The following PRKN variants were observed in gnomAD, a reference collection of about 807,000 sequenced individuals.
The protein encoded by PRKN is parkin RBR E3 ubiquitin protein ligase.
PRKN carries 56 observed loss-of-function variants against 59.5 expected under a neutral mutation model. The ratio of observed to expected loss-of-function variants is 0.94; its 90% confidence interval spans 0.76 to 1.18. The LOEUF is 1.18. Ranked by LOEUF, PRKN falls within the 50% of genes most tolerant of loss-of-function variation. The pLI is 0.00. For synonymous variants in PRKN, 250 were observed against 222.1 expected (o/e 1.13, Z -1.12); for missense variants, 657 against 596.4 (o/e 1.10, Z -1.06).
At chr6:162,314,974 G>T (rs1250888092) in intron 2 of PRKN, among the ~76,000 whole-genome samples, 1 of 152,156 alleles carries the variant, frequency 6.6e-6, no homozygotes, top group African/African-American at 2.4e-5. Context: ...TGTCTTCACA[G>T]TAGATCACCA....
At chr6:162,191,448 T>A (rs2128326888) in intron 4 of PRKN, among the ~76,000 whole-genome samples, 1 of 152,270 alleles carries the variant, frequency 6.6e-6, no homozygotes, top group Non-Finnish European at 1.5e-5. Flanking sequence ...TTTTTATGTA[T>A]TTATTTATTT....
intron 6 of PRKN, among the ~76,000 whole-genome samples, chr6:161,788,899 A>G (rs1395482816): frequency 2.0e-5 from 3 of 152,246 alleles, no homozygotes; most frequent in African/African-American, 4.8e-5. Flanking sequence ...ATACAGATAT[A>G]GATAAATGAT....
chr6:161,962,045 A>T (rs1378141311), intron 6 of PRKN, among the ~76,000 whole-genome samples: 1 of 152,190 alleles, frequency 6.6e-6, no homozygotes, highest in Non-Finnish European at 1.5e-5. Flanking sequence ...CAGAATGAAC[A>T]CACCACGGCC....
intron 1 of PRKN, among the ~76,000 whole-genome samples, chr6:162,645,328 T>TC (rs1778125110): frequency 1.3e-5 from 2 of 152,056 alleles, no homozygotes; most frequent in Admixed American, 6.5e-5. Flanking sequence ...AAACTAAAAA[T>TC]CCAAGGGATG....
At chr6:162,371,340 T>C (rs889668826) in intron 2 of PRKN, among the ~76,000 whole-genome samples, 1 of 152,144 alleles carries the variant, frequency 6.6e-6, no homozygotes, top group Admixed American at 6.5e-5. Flanking sequence ...TTGCTAATCA[T>C]CAGAGTCTCT....
At chr6:162,470,456 T>C (rs2128177945) in intron 1 of PRKN, among the ~76,000 whole-genome samples, 1 of 152,060 alleles carries the variant, frequency 6.6e-6, no homozygotes, top group East Asian at 2.0e-4. Context: ...GTACAACAAT[T>C]AGCCAGGCGT....
intron 5 of PRKN, among the ~76,000 whole-genome samples, chr6:162,031,855 G>C (rs893180013): frequency 5.3e-5 from 8 of 152,126 alleles, no homozygotes; most frequent in Non-Finnish European, 8.8e-5. Flanking sequence ...GTGGATCGTT[G>C]CATGTCCTGA....
intron 7 of PRKN, among the ~76,000 whole-genome samples, chr6:161,667,125 T>C (rs974962789): frequency 6.6e-6 from 1 of 152,308 alleles, no homozygotes; most frequent in Middle Eastern, 3.4e-3. Flanking sequence ...CCCCCTGAGC[T>C]TTGTGCTTCA....
At chr6:161,655,125 C>T (rs903721490) in intron 7 of PRKN, among the ~76,000 whole-genome samples, 1 of 142,388 alleles carries the variant, frequency 7.0e-6, no homozygotes, top group African/African-American at 3.0e-5. Flanking sequence ...CCTGGCCCCT[C>T]ATCACCAGCA....
intron 7 of PRKN, among the ~76,000 whole-genome samples, chr6:161,643,844 T>C (rs1001808339): frequency 6.6e-6 from 1 of 152,220 alleles, no homozygotes; most frequent in African/African-American, 2.4e-5. Context: ...CAATGACATT[T>C]ACAAAATTAC....
chr6:162,449,872 C>CAA lies in PRKN; in HGVS notation c.8-6401_8-6400dup, dbSNP rs558290728. ...TCTTGAAAAGCCATAGAAGAGTGAACAAAAAAAATGAAGATTTCTAGTTAG... is the reference window on the plus strand; with the variant it reads ...TCTTGAAAAGCCATAGAAGAGTGAACAAAAAAAAAATGAAGATTTCTAGTTAG... On this transcript the variant is annotated intron_variant, in intron 1 of 11. Transcript: ENST00000366898. Among the ~76,000 whole-genome samples, 370 of 151,818 alleles carry CAA rather than the reference C, an allele frequency of 2.4e-3. 2 individuals carry two copies. Among genetic ancestry groups the CAA allele is most frequent in the African/African-American group, 8.6e-3 (355 of 41,434 alleles).
Position 161,360,171 on chromosome 6 carries a change from G to C in PRKN, c.1202C>G (p.Ala401Gly), listed in dbSNP as rs771931085. 3 of 1,614,192 alleles carry C rather than the reference G, an allele frequency of 1.9e-6. No homozygotes were observed. Among genetic ancestry groups the C allele is most frequent in the Non-Finnish European group, 2.5e-6 (3 of 1,179,994 alleles). Residue 401 changes from alanine (A) to glycine (G), a missense_variant, in exon 11 of 12, where the codon GCT becomes GGT. Physicochemically the swap from Ala to Gly is moderately conservative, Grantham distance 60 (BLOSUM62 0). Transcript: ENST00000366898. This position sits in a 1 kb window ranked among gnomAD's most constrained non-coding sequence, Gnocchi z 5.1. Reference sequence around the variant, plus strand: ...TTCTTTGGAGGCTGCTTCCCAACGAGCCTGCTCGGCGGCTCTTTCATCGAC... The same window carrying C: ...TTCTTTGGAGGCTGCTTCCCAACGACCCTGCTCGGCGGCTCTTTCATCGAC... The part of the protein sequence containing the change: ...YRVDERAAEQ[A>G]RWEAASKETI...
intron 1 of PRKN, among the ~76,000 whole-genome samples, chr6:162,449,495 TA>T (rs1562773175): frequency 6.6e-6 from 1 of 152,234 alleles, no homozygotes; most frequent in Non-Finnish European, 1.5e-5. Context: ...TGGGTTGTTA[TA>T]AGGATCTGCA....
intron 1 of PRKN, among the ~76,000 whole-genome samples, chr6:162,587,033 T>C (rs1781088162): frequency 6.6e-6 from 1 of 152,214 alleles, no homozygotes. Flanking sequence ...GGAAGAAGGC[T>C]GTGACTTATT....
At chr6:162,399,117 C>A (rs576173528) in intron 2 of PRKN, among the ~76,000 whole-genome samples, 7 of 152,316 alleles carry the variant, frequency 4.6e-5, no homozygotes, top group Admixed American at 2.6e-4. Flanking sequence ...AAGGAACAAT[C>A]CCCTCCCCAT....
intron 1 of PRKN, among the ~76,000 whole-genome samples, chr6:162,678,851 T>C (rs961354326): frequency 4.6e-5 from 7 of 152,178 alleles, no homozygotes; most frequent in African/African-American, 9.7e-5. Flanking sequence ...CTTGGCTCAC[T>C]GCAACCTCTG....
At chr6:161,756,952 C>T (rs1166732217) in intron 7 of PRKN, among the ~76,000 whole-genome samples, 1 of 152,124 alleles carries the variant, frequency 6.6e-6, no homozygotes, top group African/African-American at 2.4e-5. Flanking sequence ...ACATGGCCAA[C>T]TGACTTTCAA....
At position 161,414,950 on chromosome 6, in the gene PRKN, A is replaced by G. The variant is rs796667707; in HGVS notation, c.1084-28073T>C. Among the ~76,000 whole-genome samples, 7 of 152,324 alleles carry G rather than the reference A, an allele frequency of 4.6e-5. No individual in the cohort carries two copies. Among genetic ancestry groups the G allele is most frequent in the African/African-American group, 1.7e-4 (7 of 41,560 alleles). ...AGGAGGAATTCACTTTCTTCCACCT[A>G]CACACTGTTGGCAGCTCCTCAGAGG... is the stretch of plus-strand genomic sequence containing the variant. On this transcript the variant is annotated intron_variant, in intron 9 of 11. Transcript: ENST00000366898. The surrounding 1 kb of genome is among the most constrained non-coding windows in gnomAD (Gnocchi z 5.3).
At chr6:162,252,577 T>C (rs1345063542) in intron 3 of PRKN, among the ~76,000 whole-genome samples, 5 of 152,048 alleles carry the variant, frequency 3.3e-5, no homozygotes, top group African/African-American at 7.2e-5. Context: ...CCACCGTGAA[T>C]GGGATACGTG....
Sources: allele counts gnomAD v4.1 joint callset (sites outside exome capture counted in the v4.1 genomes callset), GRCh38; gene constraint gnomAD v4.1.1; non-coding constraint Gnocchi (gnomAD v3.1); transcripts MANE v1.5; gene names NCBI Gene and HGNC (gene_info 2026-07-23, HGNC 2026-07-21).